Variants in FRMPD3 observed in about 807,000 individuals in gnomAD.
The protein encoded by FRMPD3 is FERM and PDZ domain containing 3, also known as FERM and PDZ domain-containing protein 3.
FRMPD3 carries 42 observed loss-of-function variants against 97.9 expected under a neutral mutation model. The ratio of observed to expected loss-of-function variants is 0.43; its 90% CI spans 0.34 to 0.55. The LOEUF (loss-of-function observed/expected upper bound fraction) is 0.55. FRMPD3 is among the 20% of genes least tolerant of loss of function. FRMPD3 has a pLI of 0.03. For synonymous variants in FRMPD3, 577 were observed against 581.1 expected (o/e 0.99, Z 0.10); for missense variants, 1,303 against 1,457.7 (o/e 0.89, Z 1.73).
intron 1 of FRMPD3, among the ~76,000 whole-genome samples, chrX:107,515,921 A>T (rs933119486): frequency 5.9e-4 from 66 of 111,194 alleles, no homozygotes; most frequent in African/African-American, 1.9e-3. Flanking sequence ...CATGTGCACA[A>T]CGTGCAGGTT....
intron 1 of FRMPD3, 37 bp from the exon 2 acceptor site, chrX:107,526,545 T>G: frequency 8.6e-7 from 1 of 1,159,071 alleles, no homozygotes; most frequent in Non-Finnish European, 1.2e-6. Context: ...TAGTTCCCTG[T>G]GCATCTTGTT....
intron 1 of FRMPD3, among the ~76,000 whole-genome samples, chrX:107,479,290 A>C (rs1187596038): frequency 8.9e-6 from 1 of 112,321 alleles, no homozygotes; most frequent in Non-Finnish European, 1.9e-5. Flanking sequence ...GCTCCTGGCC[A>C]CATCAACTGC....
At chrX:107,572,908 C>CTACTACTACTAATAATAA (rs796610991) in intron 12 of FRMPD3, among the ~76,000 whole-genome samples, 71 of 100,995 alleles carry the variant, frequency 7.0e-4, no homozygotes, top group Middle Eastern at 5.1e-3. Context: ...ACTACTACTA[C>CTACTACTACTAATAATAA]TAATAATAAT....
intron 1 of FRMPD3, among the ~76,000 whole-genome samples, chrX:107,479,944 G>T (rs1921300547): frequency 9.2e-6 from 1 of 108,461 alleles, no homozygotes; most frequent in African/African-American, 3.4e-5. Flanking sequence ...GGCTGGGCAT[G>T]GTGGCTTATG....
chrX:107,553,041 C>T (rs1921932098), intron 7 of FRMPD3, 115 bp downstream of exon 7: 1 of 800,636 alleles, frequency 1.2e-6, no homozygotes, highest in Admixed American at 3.4e-5. Flanking sequence ...CCAGAAGTCA[C>T]AGTTCTCACC....
rs1469747635 is a variant in FRMPD3 at position 107,576,208 on chromosome X, G to T, written c.1297-107G>T. The T allele has an allele frequency of 1.9e-5, 17 of 907,029 alleles. No homozygotes were observed. In the East Asian group the frequency reaches 5.3e-4, roughly 28 times the overall value. 74.7% of individuals were successfully genotyped at this position (907,029 alleles called of 1,213,427 possible). A position where few individuals can be genotyped will look rare whatever the true frequency, so the allele number is the denominator to read the frequency against. On this transcript the variant is annotated intron_variant, in intron 12 of 14. Transcript: ENST00000683843. ...CCTCAATTTTTGGTTCAGACAGTAT[G>T]GTTCCTTTAACTATGCAAGTCATCT...
rs748730331 is a variant in FRMPD3 at position 107,533,524 on chromosome X, G to T, written c.271G>T (p.Val91Phe). 2 of 1,207,784 alleles carry T rather than the reference G, an allele frequency of 1.7e-6. No individual in the cohort carries two copies. Among genetic ancestry groups the T allele is most frequent in the Admixed American group, 4.4e-5 (2 of 45,867 alleles). The change falls in exon 4 of 15, where the codon GTT (valine) becomes TTT (phenylalanine). Residue 91 changes from valine to phenylalanine, a missense_variant. Coordinates refer to ENST00000683843, the MANE Select transcript of FRMPD3 (RefSeq NM_001388459.1). ...ELIRSAKEFI[V>F]LTVLHTHQSP... is the part of the protein sequence containing the mutation. ...CTGTAGGAGCGCTAAGGAATTCATC[G>T]TTCTTACAGTTCTGCACACTCATCA... is the stretch of plus-strand genomic sequence containing the variant.
Position 107,603,175 on chromosome X carries a change from C to T in FRMPD3, c.5136C>T (p.Ala1712=). Residue 1712 remains alanine, a synonymous_variant, in exon 15 of 15, where the codon GCC becomes GCT. Coordinates refer to ENST00000683843, the MANE Select transcript of FRMPD3 (RefSeq NM_001388459.1). ...FLLRAAEEST[A]RNLNQQQQQQ... ...TGCGTGCAGCTGAGGAGTCCACAGC[C>T]CGTAACCTTAACCAGCAGCAGCAGC... 9.2e-7 allele frequency: 1 copy of T among 1,084,405 alleles called. No individual in the cohort carries two copies. Among genetic ancestry groups the T allele is most frequent in the Non-Finnish European group, 1.2e-6 (1 of 829,523 alleles). 89.4% of individuals were successfully genotyped at this position (1,084,405 alleles called of 1,213,427 possible).
At chrX:107,523,602 A>G (rs776989414) in intron 1 of FRMPD3, among the ~76,000 whole-genome samples, 45 of 111,894 alleles carry the variant, frequency 4.0e-4, no homozygotes, top group African/African-American at 1.5e-3. Flanking sequence ...TAGCACTGTA[A>G]TTGTCTTGTT....
intron 1 of FRMPD3, among the ~76,000 whole-genome samples, chrX:107,510,788 TTA>T (rs1410617478): frequency 8.9e-6 from 1 of 112,204 alleles, no homozygotes; most frequent in Non-Finnish European, 1.9e-5. Context: ...TGACATGAGT[TTA>T]CCAGGCCTCT....
chrX:107,491,268 A>G (rs972505710), intron 1 of FRMPD3, among the ~76,000 whole-genome samples: 14 of 112,429 alleles, frequency 1.2e-4, no homozygotes, highest in Admixed American at 3.8e-4. Context: ...CTTTGTGCTA[A>G]GCACTGTACT....
At position 107,601,273 on chromosome X, in the gene FRMPD3, A is replaced by G. The variant is rs1924492503; in HGVS notation, c.3234A>G (p.Thr1078=). Residue 1078 remains threonine, a synonymous_variant, in exon 15 of 15, where the codon ACA becomes ACG. Coordinates refer to ENST00000683843, the MANE Select transcript of FRMPD3 (RefSeq NM_001388459.1). ...GAGAGTCAGTGGGCAAGCAAGCTAC[A>G]GGGGAGGTGGCAGGCAAAGGCGGGC... The part of the protein sequence containing the change: ...TSRESVGKQA[T]GEVAGKGGPV... 2.5e-6 allele frequency: 3 copies of G among 1,207,865 alleles called. No individual in the cohort carries two copies. Among genetic ancestry groups the G allele is most frequent in the Non-Finnish European group, 3.4e-6 (3 of 893,878 alleles).
chrX:107,503,382 G>C (rs1204219089), intron 1 of FRMPD3, among the ~76,000 whole-genome samples: 1 of 112,061 alleles, frequency 8.9e-6, no homozygotes, highest in East Asian at 2.8e-4. Flanking sequence ...CTAAGTCAGT[G>C]ATCTCTTGAT....
intron 1 of FRMPD3, chrX:107,525,657 C>T (rs775938128): frequency 3.6e-6 from 2 of 557,701 alleles, no homozygotes; most frequent in East Asian, 6.5e-5. Flanking sequence ...TTCCAGGTGT[C>T]TCATTAACTG....
At chrX:107,456,057 CTATTAT>C (rs746552425) in intron 1 of FRMPD3, among the ~76,000 whole-genome samples, 1 of 109,528 alleles carries the variant, frequency 9.1e-6, no homozygotes, top group African/African-American at 3.3e-5. Flanking sequence ...TAGTGGATGA[CTATTAT>C]TATTATTATT....
At chrX:107,586,814 CTGTT>C (rs1183119281) in intron 13 of FRMPD3, among the ~76,000 whole-genome samples, 1 of 112,093 alleles carries the variant, frequency 8.9e-6, no homozygotes, top group Non-Finnish European at 1.9e-5. Context: ...GTCTGTGAGA[CTGTT>C]TGTTATGATT....
intron 1 of FRMPD3, among the ~76,000 whole-genome samples, chrX:107,493,904 G>A (rs1254399998): frequency 1.8e-5 from 2 of 111,469 alleles, no homozygotes; most frequent in Non-Finnish European, 3.8e-5. Flanking sequence ...GTACAGTAAG[G>A]TGCTCTTGTG....
intron 1 of FRMPD3, among the ~76,000 whole-genome samples, chrX:107,512,829 C>T (rs1310025097): frequency 8.9e-6 from 1 of 112,467 alleles, no homozygotes; most frequent in Admixed American, 9.4e-5. Flanking sequence ...ACGCAAGGAT[C>T]TCCCCACTAA....
rs557555920 is a variant in FRMPD3 at position 107,480,808 on chromosome X, G to A, written c.-8+30803G>A. On this transcript the variant is annotated intron_variant, in intron 1 of 14. Coordinates refer to ENST00000683843, the MANE Select transcript of FRMPD3 (RefSeq NM_001388459.1). ...CACACCACTAAACTCCAGCCTAGGCGAAAGTGAAACTCCGTCAAAAAAAAA... is the reference window on the plus strand; with the variant it reads ...CACACCACTAAACTCCAGCCTAGGCAAAAGTGAAACTCCGTCAAAAAAAAA... Among the ~76,000 whole-genome samples, 173 of 91,589 alleles carry A rather than the reference G, an allele frequency of 1.9e-3. 1 individual carries two copies. The South Asian group carries it at 0.035, about 19-fold the overall frequency. 79.5% of individuals were successfully genotyped at this position (91,589 alleles called of 115,157 possible).
Sources: allele counts gnomAD v4.1 joint callset (sites outside exome capture counted in the v4.1 genomes callset), GRCh38; gene constraint gnomAD v4.1.1; transcripts MANE v1.5; gene names NCBI Gene and HGNC (gene_info 2026-07-23, HGNC 2026-07-21).